The following BPNT1 variants were observed in gnomAD, a reference collection of about 807,000 sequenced individuals.
The protein encoded by BPNT1 is 3'(2'), 5'-bisphosphate nucleotidase 1, also known as 3'(2'),5'-bisphosphate nucleotidase 1.
In BPNT1, 28 loss-of-function variants were observed where a neutral mutation model predicts 36.9. The observed-to-expected ratio is 0.76, with a 90% CI of 0.56 to 1.04. The LOEUF (loss-of-function observed/expected upper bound fraction) is 1.04. BPNT1 is among the 50% of genes least tolerant of loss of function. The pLI is 0.00. For missense variants in BPNT1, 313 were observed against 372.9 expected, an observed-to-expected ratio of 0.84 and a Z score of 1.32; for synonymous variants, 119 against 130.9, an observed-to-expected ratio of 0.91 and a Z score of 0.62.
chr1:220,088,434 G>C (rs1284045929), intron 1 of BPNT1, among the ~76,000 whole-genome samples: 1 of 141,746 alleles, frequency 7.1e-6, no homozygotes, highest in Non-Finnish European at 1.5e-5. Flanking sequence ...GGTGAGCCGA[G>C]ATCGCGCCAC....
At chr1:220,080,292 C>T (rs1664983809) in intron 1 of BPNT1, among the ~76,000 whole-genome samples, 1 of 151,956 alleles carries the variant, frequency 6.6e-6, no homozygotes, top group Non-Finnish European at 1.5e-5. Context: ...TAGGCAGCGC[C>T]AAAAGAGGTA....
At chr1:220,078,467 ATAAT>A (rs943806436) in intron 2 of BPNT1, among the ~76,000 whole-genome samples, 45 of 96,904 alleles carry the variant, frequency 4.6e-4, no homozygotes, top group Non-Finnish European at 6.2e-4. Context: ...TAAATAATAA[ATAAT>A]TTATAATAAA....
chr1:220,078,508 A>T (rs1664796313), intron 2 of BPNT1, among the ~76,000 whole-genome samples: 1 of 140,390 alleles, frequency 7.1e-6, no homozygotes, highest in Non-Finnish European at 1.5e-5. Flanking sequence ...ATTTTATATA[A>T]TATAATTATA....
chr1:220,086,795 TG>T lies in BPNT1; in HGVS notation c.-9+2890del, dbSNP rs569704148. The stretch of plus-strand genomic sequence containing the variant: ...TTCACCATGTTGGCCAGGCTAGTCT[TG>T]AACTCCTGACCTTGTGATCCGCCTG... On this transcript the variant is annotated intron_variant, in intron 1 of 8. Transcript: ENST00000322067. 4.2e-3 allele frequency among the ~76,000 whole-genome samples: 641 copies of T among 152,024 alleles called. 2 individuals carry two copies. Among genetic ancestry groups the T allele is most frequent in the Non-Finnish European group, 6.6e-3 (449 of 67,960 alleles).
In BPNT1 at chr1:220,069,431, A is replaced by G. The variant is rs1663846252; in HGVS notation, c.335T>C (p.Leu112Pro). The G allele has an allele frequency of 6.2e-7, 1 of 1,601,818 alleles. No homozygotes were observed. Among genetic ancestry groups the G allele is most frequent in the Non-Finnish European group, 8.5e-7 (1 of 1,175,240 alleles). Reference protein sequence around the residue: ...SQYSAIKEEDLVVWVDPLDGT... With the variant: ...SQYSAIKEEDPVVWVDPLDGT... ...ATCCAGAGGATCAACCCAGACCACGAGCTAAAATTAAAAAGAGAGAAGGAA... is the reference window on the plus strand; with the variant it reads ...ATCCAGAGGATCAACCCAGACCACGGGCTAAAATTAAAAAGAGAGAAGGAA... The change falls in exon 5 of 9, where the codon CTC (leucine) becomes CCC (proline). Residue 112 changes from leucine (L) to proline (P), a missense_variant and splice_region_variant. By Grantham distance (98) the Leu-to-Pro change is moderately conservative. Coordinates refer to ENST00000322067, the MANE Select transcript of BPNT1 (RefSeq NM_006085.6).
rs1391947011 is a variant in BPNT1 at position 220,057,878 on chromosome 1, C to T, written c.*966G>A. 2.3e-6 allele frequency: 3 copies of T among 1,302,830 alleles called. No individual in the cohort carries two copies. The highest frequency in any genetic ancestry group is 4.6e-5 in the Admixed American group (2 of 43,398). The allele number at this position is 1,302,830 out of a possible 1,614,324, so 80.7% of individuals were successfully genotyped here. A position where few individuals can be genotyped will look rare whatever the true frequency, so the allele number is the denominator to read the frequency against. ...GTGAGATTCCAGAAAAAATTGTGCC[C>T]TAAAGAAATCTGGTTTAGGCCAGGT... On this transcript the variant is annotated 3_prime_UTR_variant, in exon 9 of 9. Transcript: ENST00000322067.
At chr1:220,086,392 T>C (rs1051658696) in intron 1 of BPNT1, among the ~76,000 whole-genome samples, 5 of 152,046 alleles carry the variant, frequency 3.3e-5, no homozygotes, top group Non-Finnish European at 7.4e-5. Flanking sequence ...CTGCCTCATA[T>C]GGCTGAGTAG....
chr1:220,076,276 C>T (rs7524161), intron 2 of BPNT1, among the ~76,000 whole-genome samples: 6,033 of 151,542 alleles, frequency 0.04, 385 homozygotes, highest in African/African-American at 0.14. Flanking sequence ...CTGAGGTGGG[C>T]GGATGCCGAG....
chr1:220,080,940 A>T (rs1665048662), intron 1 of BPNT1, among the ~76,000 whole-genome samples: 4 of 152,342 alleles, frequency 2.6e-5, no homozygotes, highest in Admixed American at 2.6e-4. Context: ...ATAAACGGAA[A>T]AAACAGCCTT....
intron 2 of BPNT1, among the ~76,000 whole-genome samples, chr1:220,075,207 C>A (rs981497262): frequency 1.3e-5 from 2 of 152,140 alleles, no homozygotes; most frequent in African/African-American, 4.8e-5. Context: ...CCATGCCTGG[C>A]TAATTTTTGT....
At chr1:220,080,647 C>T (rs2102745356) in intron 1 of BPNT1, among the ~76,000 whole-genome samples, 1 of 152,220 alleles carries the variant, frequency 6.6e-6, no homozygotes, top group East Asian at 1.9e-4. Flanking sequence ...ACTATCACTG[C>T]CCCCATGATT....
chr1:220,087,411 C>T (rs1409806033), intron 1 of BPNT1, among the ~76,000 whole-genome samples: 7 of 151,992 alleles, frequency 4.6e-5, no homozygotes, highest in African/African-American at 7.2e-5. Flanking sequence ...AAAAATTAGC[C>T]GGGCTTGGTG....
Position 220,072,923 on chromosome 1 carries a change from A to G in BPNT1, c.260T>C (p.Ile87Thr), listed in dbSNP as rs540331407. The G allele has an allele frequency of 4.0e-5, 64 of 1,614,142 alleles. 1 individual carries two copies. In the South Asian group the frequency reaches 6.0e-4, roughly 15 times the overall value. ...LPSEEVDQEL[I>T]EDSQWEEILK... ...TATTTCTTCCCACTGACTGTCTTCA[A>G]TCAGCTCTTGATCCACTTCCTCAGA... The change falls in exon 4 of 9, where the codon ATT becomes ACT. Residue 87 changes from isoleucine to threonine, a missense_variant. Coordinates refer to ENST00000322067, the MANE Select transcript of BPNT1 (RefSeq NM_006085.6).
At chr1:220,072,759 C>G (rs1664181424) in intron 4 of BPNT1, 91 bp downstream of exon 4, 2 of 1,063,872 alleles carry the variant, frequency 1.9e-6, no homozygotes, top group African/African-American at 3.2e-5. Context: ...TTTATAACTA[C>G]CAATTTTTCA....
chr1:220,072,362 A>AG (rs958356951), intron 4 of BPNT1, among the ~76,000 whole-genome samples: 82 of 151,848 alleles, frequency 5.4e-4, no homozygotes, highest in Middle Eastern at 3.4e-3. Context: ...ACTCCGTCTC[A>AG]GAAAAAAAAA....
chr1:220,075,782 C>T (rs533362730), intron 2 of BPNT1, among the ~76,000 whole-genome samples: 4 of 152,166 alleles, frequency 2.6e-5, no homozygotes, highest in East Asian at 1.9e-4. Flanking sequence ...AAGGTATCAA[C>T]GGAAGGATAT....
chr1:220,086,129 C>T (rs1194028346), intron 1 of BPNT1, among the ~76,000 whole-genome samples: 4 of 152,048 alleles, frequency 2.6e-5, no homozygotes, highest in Non-Finnish European at 5.9e-5. Context: ...ATTTAATCAA[C>T]ATATGATATA....
Position 220,059,688 on chromosome 1 carries a change from C to T in BPNT1, c.776G>A (p.Gly259Glu). Reference protein sequence around the residue: ...CAPEVILHAVGGKLTDIHGNV... With the variant: ...CAPEVILHAVEGKLTDIHGNV... ...TTCCTCAAATAAAACAGACTAACCT[C>T]CCACAGCATGTAAAATAACTTCTGG... The change falls in exon 8 of 9, where the codon GGA (glycine) becomes GAA (glutamate). Residue 259 changes from glycine (G) to glutamate (E), a missense_variant and splice_region_variant. Physicochemically the swap from Gly to Glu is moderately conservative, Grantham distance 98. Coordinates refer to ENST00000322067, the MANE Select transcript of BPNT1 (RefSeq NM_006085.6). 1 of 1,603,616 alleles carries T rather than the reference C, an allele frequency of 6.2e-7. No homozygotes were observed. Among genetic ancestry groups the T allele is most frequent in the Non-Finnish European group, 8.5e-7 (1 of 1,175,168 alleles).
Position 220,073,989 on chromosome 1 carries a change from T to C in BPNT1, c.203A>G (p.Lys68Arg). Residue 68 changes from lysine (K) to arginine (R), a missense_variant, in exon 3 of 9, where the codon AAA becomes AGA. Physicochemically the swap from Lys to Arg is conservative, Grantham distance 26. Transcript: ENST00000322067. ...TACCTCTTCCCCTATAATTGTGAGT[T>C]TGGGGAATTTCCGGGCCAATGAAGA... Reference protein sequence around the residue: ...ICSSLARKFPKLTIIGEEDLP... With the variant: ...ICSSLARKFPRLTIIGEEDLP... The C allele has an allele frequency of 6.2e-7, 1 of 1,614,054 alleles. No homozygotes were observed. The highest frequency in any genetic ancestry group is 8.5e-7 in the Non-Finnish European group (1 of 1,180,012).
Sources: gnomAD v4.1 joint callset for allele counts (sites outside exome capture counted in the v4.1 genomes callset) on GRCh38, gnomAD v4.1.1 for gene constraint, MANE v1.5 for transcripts, NCBI Gene and HGNC (gene_info 2026-07-23, HGNC 2026-07-21) for gene names.